Variants in TAFA1 observed in about 807,000 individuals in gnomAD.
TAFA1 encodes the protein chemokine-like protein TAFA-1.
In TAFA1, 4 loss-of-function variants were observed where a neutral mutation model predicts 18.5. The observed-to-expected ratio is 0.22, with a 90% CI of 0.11 to 0.49. The LOEUF (loss-of-function observed/expected upper bound fraction) is 0.49. Among genes scored for constraint, TAFA1 ranks in the 20% least tolerant of loss-of-function variants. TAFA1 has a pLI of 0.98. For missense variants in TAFA1, 147 were observed against 169.0 expected (o/e 0.87, Z 0.72); for synonymous variants, 56 against 55.2 (o/e 1.01, Z -0.06).
intron 3 of TAFA1, among the ~76,000 whole-genome samples, chr3:68,473,675 T>C (rs2072041431): frequency 6.6e-6 from 1 of 152,174 alleles, no homozygotes. Flanking sequence ...TCTGCCCTCA[T>C]AGGCCCAGTG....
intron 2 of TAFA1, among the ~76,000 whole-genome samples, chr3:68,029,041 C>T (rs897414181): frequency 6.6e-6 from 1 of 151,962 alleles, no homozygotes; most frequent in Non-Finnish European, 1.5e-5. Flanking sequence ...GCATGAGCCA[C>T]CATGACTGGC....
rs138060823 is a variant in TAFA1 at position 68,138,182 on chromosome 3, C to T, written c.118+131438C>T. 4.7e-3 allele frequency among the ~76,000 whole-genome samples: 711 copies of T among 152,280 alleles called. 20 individuals carry two copies. The highest frequency in any genetic ancestry group is 0.037 in the Admixed American group (565 of 15,286). On this transcript the variant is annotated intron_variant, in intron 2 of 4. Transcript: ENST00000478136. The stretch of plus-strand genomic sequence containing the variant: ...CTCAGTGAATATCCATGTTTTCCCC[C>T]ATATTCTTCAGCCTCTCTGGAGTTG...
intron 2 of TAFA1, among the ~76,000 whole-genome samples, chr3:68,338,492 C>T (rs1236859630): frequency 6.6e-6 from 1 of 152,016 alleles, no homozygotes; most frequent in Non-Finnish European, 1.5e-5. Flanking sequence ...ATTTTTTGAG[C>T]TTTTATTATG....
chr3:68,221,118 G>C (rs2066724343), intron 2 of TAFA1, among the ~76,000 whole-genome samples: 1 of 152,174 alleles, frequency 6.6e-6, no homozygotes, highest in Non-Finnish European at 1.5e-5. Context: ...CCACTCCTCT[G>C]CTTCACCATG....
rs547948367 is a variant in TAFA1 at position 68,180,895 on chromosome 3, C to T, written c.118+174151C>T. ...AAACAACCACAGAATACAGCAAAAACGAAGTGATGTGCCTTCTGAGATTGG... is the reference window on the plus strand; with the variant it reads ...AAACAACCACAGAATACAGCAAAAATGAAGTGATGTGCCTTCTGAGATTGG... On this transcript the variant is annotated intron_variant, in intron 2 of 4. Transcript: ENST00000478136. 3.3e-5 allele frequency among the ~76,000 whole-genome samples: 5 copies of T among 152,130 alleles called. No homozygotes were observed. In the South Asian group the frequency reaches 1.0e-3, roughly 32 times the overall value.
chr3:68,295,913 C>A (rs981957512), intron 2 of TAFA1, among the ~76,000 whole-genome samples: 17 of 152,034 alleles, frequency 1.1e-4, no homozygotes, highest in Non-Finnish European at 2.2e-4. Flanking sequence ...GTAGCTGAGA[C>A]CAGCTATGTT....
At chr3:68,381,952 C>T (rs529429300) in intron 2 of TAFA1, among the ~76,000 whole-genome samples, 1 of 152,246 alleles carries the variant, frequency 6.6e-6, no homozygotes, top group South Asian at 2.1e-4. Context: ...CCCATCAATA[C>T]CTAATTTATT....
intron 2 of TAFA1, among the ~76,000 whole-genome samples, chr3:68,123,762 A>G (rs191391941): frequency 6.6e-6 from 1 of 152,136 alleles, no homozygotes; most frequent in East Asian, 1.9e-4. Context: ...CAGATTGAAT[A>G]ATAAACTGGT....
At chr3:68,443,175 G>C (rs1353723474) in intron 3 of TAFA1, among the ~76,000 whole-genome samples, 2 of 152,074 alleles carry the variant, frequency 1.3e-5, no homozygotes, top group Admixed American at 6.6e-5. Context: ...CCACCTTGTT[G>C]CAAGGGGCCT....
intron 2 of TAFA1, among the ~76,000 whole-genome samples, chr3:68,282,945 G>A (rs2107260264): frequency 6.6e-6 from 1 of 152,192 alleles, no homozygotes; most frequent in Non-Finnish European, 1.5e-5. Context: ...TTATACTAGG[G>A]TTTGGGGTAC....
chr3:68,207,250 T>C (rs930970009), intron 2 of TAFA1, among the ~76,000 whole-genome samples: 2 of 151,898 alleles, frequency 1.3e-5, no homozygotes, highest in Admixed American at 6.6e-5. Context: ...TTCTGAAATT[T>C]TCTTATTCTT....
At chr3:68,007,498 G>T (rs1575570329) in intron 2 of TAFA1, among the ~76,000 whole-genome samples, 1 of 151,994 alleles carries the variant, frequency 6.6e-6, no homozygotes, top group Middle Eastern at 3.4e-3. Flanking sequence ...CTCCCAGCTC[G>T]ATTGTCCTTA....
the TAFA1 span, among the ~76,000 whole-genome samples, chr3:67,998,197 T>G: frequency 6.6e-6 from 1 of 152,208 alleles, no homozygotes; most frequent in Non-Finnish European, 1.5e-5. Flanking sequence ...ATAGATGACT[T>G]TTAAAATTTT....
intron 2 of TAFA1, among the ~76,000 whole-genome samples, chr3:68,202,249 T>C (rs2066477286): frequency 6.6e-6 from 1 of 151,778 alleles, no homozygotes; most frequent in African/African-American, 2.4e-5. Flanking sequence ...GGTATCTGTG[T>C]ATTTACAGTT....
At chr3:68,042,088 G>A (rs1352847277) in intron 2 of TAFA1, among the ~76,000 whole-genome samples, 2 of 152,142 alleles carry the variant, frequency 1.3e-5, no homozygotes, top group Non-Finnish European at 2.9e-5. Flanking sequence ...TGGCCACAAT[G>A]AGCCTTCTTT....
intron 3 of TAFA1, among the ~76,000 whole-genome samples, chr3:68,494,142 C>T (rs1193266863): frequency 6.6e-6 from 1 of 152,134 alleles, no homozygotes; most frequent in African/African-American, 2.4e-5. Context: ...CGCTCTGTCA[C>T]CCAAGCTGGC....
chr3:68,436,762 T>C (rs1225601749), intron 3 of TAFA1, among the ~76,000 whole-genome samples: 2 of 152,112 alleles, frequency 1.3e-5, no homozygotes, highest in Non-Finnish European at 2.9e-5. Flanking sequence ...TGTGATTAAG[T>C]CAACATAGAG....
rs530410029 is a variant in TAFA1, at chr3:68,250,287, G to C, written c.119-166993G>C. Among the ~76,000 whole-genome samples the C allele has an allele frequency of 2.6e-5, 4 of 152,234 alleles. No individual in the cohort carries two copies. The South Asian group carries it at 8.3e-4, about 32-fold the overall frequency. ...ACACATGGCTGTTATTACTGTTTACGCATTTGGGCTTCATTTGGAGACAGT... is the reference window on the plus strand; with the variant it reads ...ACACATGGCTGTTATTACTGTTTACCCATTTGGGCTTCATTTGGAGACAGT... On this transcript the variant is annotated intron_variant, in intron 2 of 4. Coordinates refer to ENST00000478136, the MANE Select transcript of TAFA1 (RefSeq NM_213609.4).
chr3:68,120,229 CTTTCTTTCTTTCTTTCTTT>C (rs2065379869), intron 2 of TAFA1, among the ~76,000 whole-genome samples: 8 of 120,956 alleles, frequency 6.6e-5, no homozygotes, highest in Non-Finnish European at 1.2e-4. Context: ...TTCTTTCTTT[CTTTCTTTCTTTCTTTCTTT>C]CTTTCTTTCT....
Sources: gnomAD v4.1 joint callset for allele counts (sites outside exome capture counted in the v4.1 genomes callset) on GRCh38, gnomAD v4.1.1 for gene constraint, MANE v1.5 for transcripts, NCBI Gene and HGNC (gene_info 2026-07-23, HGNC 2026-07-21) for gene names.